The following ADAMTS2 variants were observed in gnomAD, a reference collection of about 807,000 sequenced individuals.
The protein encoded by ADAMTS2 is ADAM metallopeptidase with thrombospondin type 1 motif 2.
In ADAMTS2, 50 loss-of-function variants were observed where a neutral mutation model predicts 123.0. The observed-to-expected ratio is 0.41, with a 90% CI of 0.32 to 0.51. ADAMTS2 has a LOEUF of 0.51. Among genes scored for constraint, ADAMTS2 ranks in the 20% least tolerant of loss-of-function variants. ADAMTS2 has a pLI of 0.35. For synonymous variants in ADAMTS2, 678 were observed against 695.4 expected (o/e 0.98, Z 0.39); for missense variants, 1,494 against 1,705.2 (o/e 0.88, Z 2.18).
At chr5:179,177,774 G>T (rs1221460230) in intron 5 of ADAMTS2, among the ~76,000 whole-genome samples, 6 of 152,020 alleles carry the variant, frequency 3.9e-5, no homozygotes, top group Non-Finnish European at 8.8e-5. Context: ...AAAAGAAAAA[G>T]AAAAAGAAAA....
In ADAMTS2 at chr5:179,189,504, C is replaced by T. The variant is rs1327395203; in HGVS notation, c.892-8349G>A. Among the ~76,000 whole-genome samples, 7 of 115,230 alleles carry T rather than the reference C, an allele frequency of 6.1e-5. No homozygotes were observed. Among genetic ancestry groups the T allele is most frequent in the South Asian group, 3.3e-4 (1 of 2,988 alleles). 75.6% of individuals were successfully genotyped at this position (115,230 alleles called of 152,430 possible). ...CTGGGGCTACAGGCGCCCGCCAGTG[C>T]GCCTGGTTTTTTTTTTTTTTTTTTT... On this transcript the variant is annotated intron_variant, in intron 4 of 21. Coordinates refer to ENST00000251582, the MANE Select transcript of ADAMTS2 (RefSeq NM_014244.5). This position sits in a 1 kb window ranked among gnomAD's most constrained non-coding sequence, Gnocchi z 4.2.
chr5:179,207,471 A>ACCCAGCCCCCCCCCC, intron 4 of ADAMTS2, 42 bp downstream of exon 4: 1 of 1,026,474 alleles, frequency 9.7e-7, no homozygotes, highest in Non-Finnish European at 1.5e-6. Flanking sequence ...CCCCTGGTTG[A>ACCCAGCCCCCCCCCC]CCCTCCCCGC....
chr5:179,168,344 CTGG>C (rs1763748113), intron 5 of ADAMTS2, among the ~76,000 whole-genome samples: 1 of 152,204 alleles, frequency 6.6e-6, no homozygotes, highest in East Asian at 1.9e-4. Context: ...GAGCCTGAAG[CTGG>C]TGCTCCTGAC....
At chr5:179,135,153 C>G (rs1378862007) in intron 13 of ADAMTS2, among the ~76,000 whole-genome samples, 3 of 143,668 alleles carry the variant, frequency 2.1e-5, no homozygotes, top group East Asian at 4.2e-4. Context: ...CTCCAGCCCC[C>G]AGCTCCCGAC....
chr5:179,157,404 C>T (rs529450957), intron 6 of ADAMTS2, among the ~76,000 whole-genome samples: 43 of 152,300 alleles, frequency 2.8e-4, no homozygotes, highest in African/African-American at 7.7e-4. Flanking sequence ...CACCTGGCTG[C>T]GCTGTGTTTG....
At chr5:179,216,859 G>A (rs149581340) in intron 3 of ADAMTS2, among the ~76,000 whole-genome samples, 6 of 152,370 alleles carry the variant, frequency 3.9e-5, no homozygotes, top group Admixed American at 1.3e-4. Context: ...AGGAAACGGC[G>A]GAGGTGGAGC....
chr5:179,125,938 G>A, intron 18 of ADAMTS2, 60 bp downstream of exon 18: 3 of 1,609,024 alleles, frequency 1.9e-6, no homozygotes, highest in Non-Finnish European at 2.5e-6. Flanking sequence ...CCAAGCACGG[G>A]AGCCCCTGGT....
At chr5:179,146,097 C>T (rs1763245711) in intron 10 of ADAMTS2, among the ~76,000 whole-genome samples, 1 of 152,156 alleles carries the variant, frequency 6.6e-6, no homozygotes, top group South Asian at 2.1e-4. Context: ...TCAGGTGATC[C>T]TCCTGCCTCA....
intron 2 of ADAMTS2, among the ~76,000 whole-genome samples, chr5:179,273,525 C>T (rs533433695): frequency 2.6e-5 from 4 of 152,284 alleles, no homozygotes; most frequent in African/African-American, 7.2e-5. Flanking sequence ...TCTGCCCACA[C>T]ACATGTTCCA....
At chr5:179,290,935 C>T (rs574019212) in intron 2 of ADAMTS2, among the ~76,000 whole-genome samples, 6 of 152,310 alleles carry the variant, frequency 3.9e-5, no homozygotes, top group South Asian at 2.1e-4. Context: ...ATGCCTGAGC[C>T]ACCCTGTGGG....
rs141649647 is a variant in ADAMTS2, at chr5:179,270,793, G to A, written c.688+2118C>T. ...GTGGGAACGATTAGGTGCATGGCGT[G>A]GGAGCTAGCTCACTGAAGGCCCGAG... On this transcript the variant is annotated intron_variant, in intron 3 of 21. Coordinates refer to ENST00000251582, the MANE Select transcript of ADAMTS2 (RefSeq NM_014244.5). Among the ~76,000 whole-genome samples, 361 of 152,306 alleles carry A rather than the reference G, an allele frequency of 2.4e-3. 3 individuals carry two copies. The highest frequency in any genetic ancestry group is 4.3e-3 in the Non-Finnish European group (290 of 68,018).
At chr5:179,116,839 C>G (rs1423797933) in intron 21 of ADAMTS2, among the ~76,000 whole-genome samples, 1 of 152,030 alleles carries the variant, frequency 6.6e-6, no homozygotes, top group Non-Finnish European at 1.5e-5. Flanking sequence ...GCTGCAGGGT[C>G]CACCATGAAA....
Position 179,153,925 on chromosome 5 carries a change from C to T in ADAMTS2, c.1382+124G>A, listed in dbSNP as rs561484853. On this transcript the variant is annotated intron_variant, in intron 8 of 21. Coordinates refer to ENST00000251582, the MANE Select transcript of ADAMTS2 (RefSeq NM_014244.5). ...CACAGGTGTGCCCTCTCTCCTCCCC[C>T]GCACACAAGCTTAGAGGACCTGAGG... The T allele has an allele frequency of 1.0e-4, 136 of 1,348,162 alleles. No homozygotes were observed. In the East Asian group the frequency reaches 2.0e-3, roughly 20 times the overall value. The allele number at this position is 1,348,162 out of a possible 1,614,324, so 83.5% of individuals were successfully genotyped here. A position where few individuals can be genotyped will look rare whatever the true frequency, so the allele number is the denominator to read the frequency against.
rs1460827619 is a variant in ADAMTS2, at chr5:179,287,373, C to G, written c.535-14309G>C. Among the ~76,000 whole-genome samples the G allele has an allele frequency of 3.9e-5, 6 of 152,310 alleles. No individual in the cohort carries two copies. The East Asian group carries it at 9.6e-4, about 24-fold the overall frequency. Reference sequence around the variant, plus strand: ...CAGGGAGACAAGAATGCTGCACAGCCGGTGGGTGGTGGACGGGCCTCAGGA... The same window carrying G: ...CAGGGAGACAAGAATGCTGCACAGCGGGTGGGTGGTGGACGGGCCTCAGGA... On this transcript the variant is annotated intron_variant, in intron 2 of 21. Coordinates refer to ENST00000251582, the MANE Select transcript of ADAMTS2 (RefSeq NM_014244.5).
Position 179,111,328 on chromosome 5 carries a change from T to G in ADAMTS2, c.*2539A>C, listed in dbSNP as rs1581131195. On this transcript the variant is annotated 3_prime_UTR_variant, in exon 22 of 22. Coordinates refer to ENST00000251582, the MANE Select transcript of ADAMTS2 (RefSeq NM_014244.5). ...GCCTCCTCTGGGCGCCAGGAGCCCC[T>G]CAGATGCAGAAGAAGCTGGCTTGCG... 6.6e-6 allele frequency: 1 copy of G among 152,342 alleles called. No homozygotes were observed. The highest frequency in any genetic ancestry group is 3.4e-3 in the Middle Eastern group (1 of 294). 9.4% of individuals were successfully genotyped at this position (152,342 alleles called of 1,614,324 possible).
intron 2 of ADAMTS2, among the ~76,000 whole-genome samples, chr5:179,290,861 G>A (rs896443532): frequency 1.3e-5 from 2 of 152,144 alleles, no homozygotes; most frequent in Non-Finnish European, 2.9e-5. Flanking sequence ...AAGCAAGCCT[G>A]GCGTGTTCCA....
chr5:179,221,576 G>T (rs1180604554), intron 3 of ADAMTS2, among the ~76,000 whole-genome samples: 1 of 152,158 alleles, frequency 6.6e-6, no homozygotes, highest in African/African-American at 2.4e-5. Flanking sequence ...TGGAAGGGTG[G>T]TGAGGCCTGG....
chr5:179,132,972 C>G lies in ADAMTS2; in HGVS notation c.2086-72G>C. Reference sequence around the variant, plus strand: ...AGTCAGGGTCATACTATGTTGCCCCCAGTCTCGAACACCTGGCCTCAAGCG... The same window carrying G: ...AGTCAGGGTCATACTATGTTGCCCCGAGTCTCGAACACCTGGCCTCAAGCG... On this transcript the variant is annotated intron_variant, in intron 13 of 21. Coordinates refer to ENST00000251582, the MANE Select transcript of ADAMTS2 (RefSeq NM_014244.5). This position sits in a 1 kb window ranked among gnomAD's most constrained non-coding sequence, Gnocchi z 6.1. 1 of 1,564,314 alleles carries G rather than the reference C, an allele frequency of 6.4e-7. No homozygotes were observed. Among genetic ancestry groups the G allele is most frequent in the Non-Finnish European group, 8.7e-7 (1 of 1,155,194 alleles).
chr5:179,211,006 G>A (rs1764839342), intron 3 of ADAMTS2, among the ~76,000 whole-genome samples: 1 of 152,254 alleles, frequency 6.6e-6, no homozygotes, highest in Non-Finnish European at 1.5e-5. Context: ...TGGCCAGTGG[G>A]CCTGGCGTGG....
Sources: gnomAD v4.1 joint callset for allele counts (sites outside exome capture counted in the v4.1 genomes callset) on GRCh38, gnomAD v4.1.1 for gene constraint, Gnocchi (gnomAD v3.1) non-coding constraint, MANE v1.5 for transcripts, NCBI Gene and HGNC (gene_info 2026-07-23, HGNC 2026-07-21) for gene names.